Variants in ACKR3 observed in about 807,000 individuals in gnomAD.
ACKR3 encodes atypical chemokine receptor 3, also known as C-X-C chemokine receptor type 7.
In ACKR3, 6 loss-of-function variants were observed where a neutral mutation model predicts 22.4. The ratio of observed to expected loss-of-function variants is 0.27; its 90% CI spans 0.15 to 0.53. ACKR3 has a LOEUF of 0.53. ACKR3 is among the 20% of genes least tolerant of loss of function. ACKR3 has a pLI of 0.96. For synonymous variants in ACKR3, 209 were observed against 205.2 expected (o/e 1.02, Z -0.16); for missense variants, 396 against 475.2 (o/e 0.83, Z 1.55).
At chr2:236,565,020 C>T (rs7579464), upstream of ACKR3, among the ~76,000 whole-genome samples, 184 of 152,292 alleles carry the variant, frequency 1.2e-3, 1 homozygote, top group African/African-American at 4.3e-3. Context: ...CCTTTCTAAA[C>T]TTCATCAGAG....
chr2:236,575,763 C>T (rs749562714), intron 1 of ACKR3, among the ~76,000 whole-genome samples: 1 of 152,176 alleles, frequency 6.6e-6, no homozygotes, highest in Non-Finnish European at 1.5e-5. Flanking sequence ...GGAGGCCTCC[C>T]TCTCACAGCT....
At chr2:236,548,650 A>AGTGT in the ACKR3 span, among the ~76,000 whole-genome samples, 26 of 152,152 alleles carry the variant, frequency 1.7e-4, no homozygotes, top group Non-Finnish European at 3.7e-4. This position sits in a 1 kb window ranked among gnomAD's most constrained non-coding sequence, Gnocchi z 4.3. Flanking sequence ...GACACTGTAA[A>AGTGT]CCTTACGGGC....
Position 236,582,037 on chromosome 2 carries a change from A to C in ACKR3, c.*483A>C, listed in dbSNP as rs1691552222. The C allele has an allele frequency of 6.1e-6, 1 of 165,036 alleles. No homozygotes were observed. The highest frequency in any genetic ancestry group is 6.6e-5 in the Admixed American group (1 of 15,084). The allele number at this position is 165,036 out of a possible 1,614,324, so 10.2% of individuals were successfully genotyped here. Reference sequence around the variant, plus strand: ...GTGACTTCAGTTTTGACTAAGGATGACACTAATTGTTAGCTGTTTTGAAAT... The same window carrying C: ...GTGACTTCAGTTTTGACTAAGGATGCCACTAATTGTTAGCTGTTTTGAAAT... On this transcript the variant is annotated 3_prime_UTR_variant, in exon 2 of 2. Coordinates refer to ENST00000272928, the MANE Select transcript of ACKR3 (RefSeq NM_020311.3).
At chr2:236,545,518 C>A in the ACKR3 span, among the ~76,000 whole-genome samples, 11,750 of 152,180 alleles carry the variant, frequency 0.077, 1,397 homozygotes, top group African/African-American at 0.26. The surrounding 1 kb of genome is among the most constrained non-coding windows in gnomAD (Gnocchi z 5.3). Flanking sequence ...CCACAGGCAG[C>A]CAATCAATGT....
chr2:236,565,740 C>T (rs894793456), upstream of ACKR3, among the ~76,000 whole-genome samples: 3 of 152,174 alleles, frequency 2.0e-5, no homozygotes, highest in Admixed American at 6.5e-5. Context: ...ACTTTTCCCA[C>T]CCCTACAGTG....
At chr2:236,566,718 C>CCTTCCTTCCTT (rs1553634519), upstream of ACKR3, among the ~76,000 whole-genome samples, 7 of 114,568 alleles carry the variant, frequency 6.1e-5, no homozygotes, top group South Asian at 1.3e-3. Context: ...TCCTTTCCTT[C>CCTTCCTTCCTT]CCTTCCTTCC....
At chr2:236,568,245 C>T (rs1346848400), upstream of ACKR3, among the ~76,000 whole-genome samples, 1 of 152,220 alleles carries the variant, frequency 6.6e-6, no homozygotes, top group Non-Finnish European at 1.5e-5. Context: ...GAAGGACAGG[C>T]CCCGGAGTCA....
the ACKR3 span, among the ~76,000 whole-genome samples, chr2:236,541,883 TC>T: frequency 6.6e-6 from 1 of 152,200 alleles, no homozygotes; most frequent in African/African-American, 2.4e-5. Context: ...GTGACTTTGC[TC>T]CTCTTTCACC....
the ACKR3 span, among the ~76,000 whole-genome samples, chr2:236,558,860 T>C: frequency 6.6e-6 from 1 of 152,234 alleles, no homozygotes; most frequent in East Asian, 1.9e-4. Context: ...TATTAGCATA[T>C]ATAAAATTTA....
At chr2:236,571,618 GAA>G (rs397988342) in intron 1 of ACKR3, among the ~76,000 whole-genome samples, 10,030 of 76,504 alleles carry the variant, frequency 0.13, 325 homozygotes, top group Non-Finnish European at 0.15. Context: ...CTTTCTGAAT[GAA>G]AAAAAAAAAA....
chr2:236,551,844 C>A, the ACKR3 span, among the ~76,000 whole-genome samples: 1 of 152,128 alleles, frequency 6.6e-6, no homozygotes, highest in African/African-American at 2.4e-5. Flanking sequence ...GGACCCCTTA[C>A]AAAAGGCTAG....
chr2:236,537,446 T>G, the ACKR3 span, among the ~76,000 whole-genome samples: 1 of 152,220 alleles, frequency 6.6e-6, no homozygotes, highest in Non-Finnish European at 1.5e-5. Flanking sequence ...TGTAAATGTA[T>G]GGGCCCATGG....
At chr2:236,571,295 A>G (rs1167667475) in intron 1 of ACKR3, among the ~76,000 whole-genome samples, 1 of 152,178 alleles carries the variant, frequency 6.6e-6, no homozygotes, top group Non-Finnish European at 1.5e-5. Context: ...TTGAATGTGC[A>G]CACAACTGCA....
chr2:236,566,718 C>CCCTCCCTTCCTTCCTTCCTTCCTT (rs1553634520), upstream of ACKR3, among the ~76,000 whole-genome samples: 3 of 114,488 alleles, frequency 2.6e-5, no homozygotes, highest in Admixed American at 8.8e-5. Context: ...TCCTTTCCTT[C>CCCTCCCTTCCTTCCTTCCTTCCTT]CCTTCCTTCC....
upstream of ACKR3, among the ~76,000 whole-genome samples, chr2:236,563,922 C>T (rs903744190): frequency 2.6e-5 from 4 of 152,246 alleles, no homozygotes; most frequent in Non-Finnish European, 4.4e-5. Context: ...AGCCCTAATC[C>T]AGTAGTTGGA....
chr2:236,558,303 G>C, the ACKR3 span, among the ~76,000 whole-genome samples: 1 of 152,230 alleles, frequency 6.6e-6, no homozygotes, highest in East Asian at 1.9e-4. Flanking sequence ...GCTAATGAAG[G>C]GGCGGGTCAT....
the ACKR3 span, among the ~76,000 whole-genome samples, chr2:236,538,017 A>G: frequency 6.6e-6 from 1 of 152,258 alleles, no homozygotes; most frequent in Admixed American, 6.5e-5. Context: ...TATTCCAAAA[A>G]GAATAGTTCT....
chr2:236,572,258 C>T (rs1269415599), intron 1 of ACKR3, among the ~76,000 whole-genome samples: 1 of 152,078 alleles, frequency 6.6e-6, no homozygotes, highest in Admixed American at 6.5e-5. Flanking sequence ...TTAAAGTGAT[C>T]AGGGAATTGC....
the ACKR3 span, among the ~76,000 whole-genome samples, chr2:236,557,902 G>GACAC: frequency 1.3e-5 from 2 of 152,248 alleles, no homozygotes; most frequent in East Asian, 3.9e-4. Flanking sequence ...GGAACGATCA[G>GACAC]ACACACCCAA....
Sources: gnomAD v4.1 joint callset for allele counts (sites outside exome capture counted in the v4.1 genomes callset) on GRCh38, gnomAD v4.1.1 for gene constraint, Gnocchi (gnomAD v3.1) non-coding constraint, MANE v1.5 for transcripts, NCBI Gene and HGNC (gene_info 2026-07-23, HGNC 2026-07-21) for gene names.